Variants in CROCC observed in about 807,000 individuals in gnomAD.
CROCC encodes the protein rootletin.
In CROCC, 180 loss-of-function variants were observed where a neutral mutation model predicts 245.2. The observed-to-expected ratio is 0.73, with a 90% CI of 0.65 to 0.83. The LOEUF is 0.83. Among genes scored for constraint, CROCC ranks in the 40% least tolerant of loss-of-function variants. CROCC has a pLI of 0.00. For synonymous variants in CROCC, 1,205 were observed against 1,241.6 expected, an observed-to-expected ratio of 0.97 and a Z score of 0.62; for missense variants, 2,688 against 2,779.4, an observed-to-expected ratio of 0.97 and a Z score of 0.74.
chr1:16,928,033 C>T (rs1199025829), intron 3 of CROCC, among the ~76,000 whole-genome samples: 11 of 152,282 alleles, frequency 7.2e-5, no homozygotes, highest in African/African-American at 2.7e-4. Flanking sequence ...CTGGAGGGCA[C>T]CTTCCCTACC....
Position 16,964,141 on chromosome 1 carries a change from T to A in CROCC, c.4406-1582T>A, listed in dbSNP as rs527911941. Among the ~76,000 whole-genome samples, 206 of 139,208 alleles carry A rather than the reference T, an allele frequency of 1.5e-3. 1 individual carries two copies. Among genetic ancestry groups the A allele is most frequent in the Admixed American group, 3.6e-3 (52 of 14,514 alleles). The allele number at this position is 139,208 out of a possible 152,430, so 91.3% of individuals were successfully genotyped here. A position where few individuals can be genotyped will look rare whatever the true frequency, so the allele number is the denominator to read the frequency against. ...CTTTTCTTTTCTTTTTTCTTTATTT[T>A]TTTTTTTTTTTGAGACAGAGTCTCT... On this transcript the variant is annotated intron_variant, in intron 27 of 36. Transcript: ENST00000375541.
At chr1:16,927,181 C>A (rs1437644646) in intron 3 of CROCC, among the ~76,000 whole-genome samples, 2 of 152,266 alleles carry the variant, frequency 1.3e-5, no homozygotes, top group Non-Finnish European at 2.9e-5. Flanking sequence ...CAGAAACACT[C>A]CAATTCACAG....
intron 27 of CROCC, among the ~76,000 whole-genome samples, chr1:16,962,051 T>TTA (rs1217607521): frequency 1.3e-5 from 2 of 151,910 alleles, no homozygotes; most frequent in African/African-American, 2.4e-5. Flanking sequence ...TACACTGTAT[T>TTA]GTTTTTAATT....
At chr1:16,929,701 T>C in intron 3 of CROCC, 145 bp from the exon 4 acceptor site, 1 of 1,399,420 alleles carries the variant, frequency 7.1e-7, no homozygotes, top group Non-Finnish European at 9.3e-7. Flanking sequence ...GCCCCTGGGC[T>C]TGCCCACATG....
chr1:16,931,987 G>C (rs568590135), intron 8 of CROCC, among the ~76,000 whole-genome samples: 1 of 151,440 alleles, frequency 6.6e-6, no homozygotes, highest in African/African-American at 2.4e-5. Context: ...GGATGGTCTC[G>C]AACTCCTGAG....
intron 26 of CROCC, among the ~76,000 whole-genome samples, chr1:16,960,469 C>CTTAG (rs1203828646): frequency 2.6e-5 from 4 of 152,236 alleles, no homozygotes; most frequent in Non-Finnish European, 5.9e-5. Context: ...TGGAAAGTTA[C>CTTAG]TTAGTGCCTG....
intron 17 of CROCC, among the ~76,000 whole-genome samples, chr1:16,947,468 C>CAATAATGAT (rs2076074684): frequency 6.8e-6 from 1 of 147,468 alleles, no homozygotes; most frequent in South Asian, 2.2e-4. Context: ...GACTCCGTCT[C>CAATAATGAT]AATAATAATA....
chr1:16,949,332 C>G (rs894462071), intron 19 of CROCC, among the ~76,000 whole-genome samples: 5 of 152,204 alleles, frequency 3.3e-5, no homozygotes, highest in South Asian at 2.1e-4. Context: ...CGTTCCCATC[C>G]AGTCTCTGAA....
intron 3 of CROCC, among the ~76,000 whole-genome samples, chr1:16,927,338 A>G (rs567992342): frequency 1.3e-5 from 2 of 152,370 alleles, no homozygotes; most frequent in East Asian, 3.9e-4. Flanking sequence ...GCACACGGAC[A>G]GGAAAAGCAT....
At chr1:16,955,635 A>T in intron 24 of CROCC, 85 bp downstream of exon 24, 2 of 1,195,768 alleles carry the variant, frequency 1.7e-6, no homozygotes, top group Non-Finnish European at 2.3e-6. Flanking sequence ...TTCTGGGGAA[A>T]TTGCCCAGAT....
chr1:16,965,659 T>A, intron 27 of CROCC, 64 bp from the exon 28 acceptor site: 1 of 1,161,196 alleles, frequency 8.6e-7, no homozygotes, highest in Non-Finnish European at 1.3e-6. Context: ...GGGATGACAG[T>A]GAGTGAGATG....
rs1292699550 is a variant in CROCC at position 16,948,481 on chromosome 1, G to C, written c.2665G>C (p.Glu889Gln). Residue 889 changes from glutamate (E) to glutamine (Q), a missense_variant, in exon 18 of 37, where the codon GAG becomes CAG. Transcript: ENST00000375541. Reference sequence around the variant, plus strand: ...CCTGGCTGTGCAGCTGGTGGCTGCGGAGCGTGAAGGCAGGACCCTGTCAGA... The same window carrying C: ...CCTGGCTGTGCAGCTGGTGGCTGCGCAGCGTGAAGGCAGGACCCTGTCAGA... ...AGLAVQLVAA[E>Q]REGRTLSEEA... The C allele has an allele frequency of 6.4e-7, 1 of 1,554,412 alleles. No homozygotes were observed. Among genetic ancestry groups the C allele is most frequent in the Non-Finnish European group, 8.7e-7 (1 of 1,150,808 alleles).
rs1338823134 is a variant in CROCC, at chr1:16,939,959, C to CAGCGAG, written c.1681_1686dup (p.Ser561_Glu562dup). 1 of 1,612,686 alleles carries CAGCGAG rather than the reference C, an allele frequency of 6.2e-7. No homozygotes were observed. The highest frequency in any genetic ancestry group is 1.3e-5 in the African/African-American group (1 of 74,934). On this transcript the variant is annotated inframe_insertion, in exon 13 of 37. Transcript: ENST00000375541. Reference sequence around the variant, plus strand: ...GCACCCTGCGGAAGCAGCTTAGCGACAGCGAGAGCGAGCGGCGGGCCCTAG... The same window carrying CAGCGAG: ...GCACCCTGCGGAAGCAGCTTAGCGACAGCGAGAGCGAGAGCGAGCGGCGGGCCCTAG...
intron 35 of CROCC, 165 bp downstream of exon 35, chr1:16,970,932 A>T: frequency 1.3e-6 from 1 of 768,834 alleles, no homozygotes; most frequent in Non-Finnish European, 1.9e-6. Flanking sequence ...GGTTCTCCCT[A>T]AGGTGTACAG....
chr1:16,956,195 G>A lies in CROCC; in HGVS notation c.3864+39G>A, dbSNP rs1003826532. 9 of 1,490,866 alleles carry A rather than the reference G, an allele frequency of 6.0e-6. No individual in the cohort carries two copies. In the African/African-American group the frequency reaches 1.3e-4, roughly 21 times the overall value. The allele number at this position is 1,490,866 out of a possible 1,614,324, so 92.4% of individuals were successfully genotyped here. Reference sequence around the variant, plus strand: ...GCCACCCCTTAGCCTGGGGCTTGCTGTGTGCCCCGGGCCAATAGCTCCCCC... The same window carrying A: ...GCCACCCCTTAGCCTGGGGCTTGCTATGTGCCCCGGGCCAATAGCTCCCCC... On this transcript the variant is annotated intron_variant, in intron 25 of 36. Coordinates refer to ENST00000375541, the MANE Select transcript of CROCC (RefSeq NM_014675.5).
chr1:16,953,335 G>A lies in CROCC; in HGVS notation c.3040G>A (p.Ala1014Thr), dbSNP rs758641870. The A allele has an allele frequency of 3.1e-6, 5 of 1,601,192 alleles. No individual in the cohort carries two copies. The highest frequency in any genetic ancestry group is 1.7e-5 in the Admixed American group (1 of 58,578). ...AAWRELEAERAQLQSQLQREQ... is the reference protein window; with the variant it reads ...AAWRELEAERTQLQSQLQREQ... ...ATGGCGGGAGCTGGAGGCCGAGCGG[G>A]CCCAGCTGCAGAGTCAGCTGCAGCG... The change falls in exon 21 of 37, where the codon GCC (alanine) becomes ACC (threonine). Residue 1014 changes from alanine (A) to threonine (T), a missense_variant. By Grantham distance (58) the Ala-to-Thr change is moderately conservative. This residue lies in a region of CROCC where 106 missense variants were observed against 126.1 expected (regional missense o/e 0.84). Transcript: ENST00000375541.
Position 16,965,668 on chromosome 1 carries a change from T to A in CROCC, c.4406-55T>A, listed in dbSNP as rs565564855. The A allele has an allele frequency of 1.8e-4, 225 of 1,240,264 alleles. 2 individuals carry two copies. The South Asian group carries it at 2.8e-3, about 15-fold the overall frequency. The allele number at this position is 1,240,264 out of a possible 1,614,324, so 76.8% of individuals were successfully genotyped here. On this transcript the variant is annotated intron_variant, in intron 27 of 36. Transcript: ENST00000375541. ...AAGGCAGGGATGACAGTGAGTGAGA[T>A]GTGTGGGAGGCCCGTGGCTTCTGCA...
intron 13 of CROCC, among the ~76,000 whole-genome samples, chr1:16,943,081 A>G (rs1232597774): frequency 2.0e-5 from 3 of 152,226 alleles, no homozygotes; most frequent in Non-Finnish European, 4.4e-5. Flanking sequence ...TGTCTCTACT[A>G]AAAATACAAA....
rs745553412 is a variant in CROCC, at chr1:16,953,384, G to A, written c.3089G>A (p.Arg1030Gln). The A allele has an allele frequency of 6.4e-5, 103 of 1,610,418 alleles. No homozygotes were observed. The highest frequency in any genetic ancestry group is 7.0e-5 in the Non-Finnish European group (83 of 1,179,702). Reference protein sequence around the residue: ...LQREQEELLARLEAEKEELSE... With the variant: ...LQREQEELLAQLEAEKEELSE... ...CGTGAGCAGGAGGAGCTGCTGGCCCGGCTGGAGGCTGAGAAGGAAGAGCTG... is the reference window on the plus strand; with the variant it reads ...CGTGAGCAGGAGGAGCTGCTGGCCCAGCTGGAGGCTGAGAAGGAAGAGCTG... Residue 1030 changes from arginine to glutamine, a missense_variant, in exon 21 of 37, where the codon CGG (arginine) becomes CAG (glutamine). By Grantham distance (43) the Arg-to-Gln change is conservative. Transcript: ENST00000375541.
Sources: gnomAD v4.1 joint callset for allele counts (sites outside exome capture counted in the v4.1 genomes callset) on GRCh38, gnomAD v4.1.1 for gene constraint, gnomAD v4.1.1 regional missense constraint, MANE v1.5 for transcripts, NCBI Gene and HGNC (gene_info 2026-07-23, HGNC 2026-07-21) for gene names.